The following SGK3 variants were observed in gnomAD, a reference collection of about 807,000 sequenced individuals.
SGK3 encodes the protein serine/threonine-protein kinase Sgk3.
SGK3 carries 47 observed loss-of-function variants against 68.5 expected under a neutral mutation model. The ratio of observed to expected loss-of-function variants is 0.69; its 90% CI spans 0.54 to 0.87. SGK3 has a LOEUF of 0.87. Among genes scored for constraint, SGK3 ranks in the 40% least tolerant of loss-of-function variants. The pLI, the probability that SGK3 is intolerant of heterozygous loss-of-function variation, is 0.00. For missense variants in SGK3, 479 were observed against 575.5 expected (o/e 0.83, Z 1.72); for synonymous variants, 181 against 189.1 (o/e 0.96, Z 0.35).
At chr8:66,843,224 A>T (rs1357531266) in intron 13 of SGK3, among the ~76,000 whole-genome samples, 2 of 152,208 alleles carry the variant, frequency 1.3e-5, no homozygotes, top group African/African-American at 4.8e-5. Context: ...TTTTAACTGT[A>T]TCACAGTTTC....
rs560794837 is a variant in SGK3, at chr8:66,726,801, T to TAAAAAAAAAAAAAAAAAA, written c.-122+13973_-122+13990dup. Among the ~76,000 whole-genome samples, 210 of 80,932 alleles carry TAAAAAAAAAAAAAAAAAA rather than the reference T, an allele frequency of 2.6e-3. 4 individuals are homozygous for TAAAAAAAAAAAAAAAAAA. Among genetic ancestry groups the TAAAAAAAAAAAAAAAAAA allele is most frequent in the African/African-American group, 0.012 (202 of 17,278 alleles). The allele number at this position is 80,932 out of a possible 152,430, so 53.1% of individuals were successfully genotyped here. ...GAATGACAGAGCAAGACCCTGTCTG[T>TAAAAAAAAAAAAAAAAAA]AAAAAAAAAAAAAAAAAAAAAAGAT... On this transcript the variant is annotated intron_variant, in intron 1 of 16. Transcript: ENST00000521198.
Position 66,831,527 on chromosome 8 carries a change from C to T in SGK3, c.525+216C>T, listed in dbSNP as rs140982444. On this transcript the variant is annotated intron_variant, in intron 8 of 16. Coordinates refer to ENST00000521198, the MANE Select transcript of SGK3 (RefSeq NM_001033578.3). ...GCTAATTTTTTCACTCTTTTGTAGA[C>T]AGGGCCTTGCTCTCTTGCCCAGGCT... 8.2e-3 allele frequency among the ~76,000 whole-genome samples: 1,255 copies of T among 152,162 alleles called. 19 individuals are homozygous for T. Among genetic ancestry groups the T allele is most frequent in the African/African-American group, 0.029 (1,198 of 41,514 alleles).
chr8:66,724,525 G>A (rs1208762128), intron 1 of SGK3, among the ~76,000 whole-genome samples: 1 of 152,162 alleles, frequency 6.6e-6, no homozygotes, highest in East Asian at 1.9e-4. Flanking sequence ...GCAGTGAGCT[G>A]AGATCGCACC....
intron 1 of SGK3, among the ~76,000 whole-genome samples, chr8:66,741,748 G>A (rs1286849818): frequency 6.6e-6 from 1 of 152,084 alleles, no homozygotes; most frequent in Non-Finnish European, 1.5e-5. Flanking sequence ...ATATGTTGGT[G>A]CACTAAACAA....
At chr8:66,717,102 G>A (rs1804655784) in intron 1 of SGK3, among the ~76,000 whole-genome samples, 1 of 151,920 alleles carries the variant, frequency 6.6e-6, no homozygotes, top group African/African-American at 2.4e-5. Flanking sequence ...CTACTTGGGA[G>A]GCTGAGGCAG....
intron 16 of SGK3, among the ~76,000 whole-genome samples, chr8:66,855,295 C>T (rs188717751): frequency 1.3e-5 from 2 of 152,094 alleles, no homozygotes; most frequent in Non-Finnish European, 2.9e-5. Context: ...CTCCGCCTCC[C>T]GGGTTCAAGC....
At position 66,770,113 on chromosome 8, in the gene SGK3, C is replaced by T. The variant is rs183002090; in HGVS notation, c.-121-23503C>T. 4.0e-3 allele frequency among the ~76,000 whole-genome samples: 602 copies of T among 152,162 alleles called. 7 individuals are homozygous for T. The highest frequency in any genetic ancestry group is 0.014 in the African/African-American group (576 of 41,520). ...GGACTACAGGCGTGCGCCACCACAC[C>T]CGGCTAATTTTTTTGTATTTTTAGT... On this transcript the variant is annotated intron_variant, in intron 1 of 16. Coordinates refer to ENST00000521198, the MANE Select transcript of SGK3 (RefSeq NM_001033578.3).
intron 1 of SGK3, among the ~76,000 whole-genome samples, chr8:66,725,790 A>C (rs190998699): frequency 2.0e-5 from 3 of 152,246 alleles, no homozygotes; most frequent in Admixed American, 6.5e-5. Context: ...TCATACTGCA[A>C]ATACAGCCAA....
chr8:66,752,600 G>T (rs559412012), intron 1 of SGK3, among the ~76,000 whole-genome samples: 1 of 151,900 alleles, frequency 6.6e-6, no homozygotes, highest in Non-Finnish European at 1.5e-5. Flanking sequence ...AACTGGGGGG[G>T]TGGGGGAGAC....
At chr8:66,735,364 G>A (rs1805288799) in intron 1 of SGK3, among the ~76,000 whole-genome samples, 1 of 152,222 alleles carries the variant, frequency 6.6e-6, no homozygotes, top group African/African-American at 2.4e-5. Flanking sequence ...GAATCTATCA[G>A]GCGTATAGCT....
intron 3 of SGK3, among the ~76,000 whole-genome samples, chr8:66,802,209 G>A (rs1211682839): frequency 6.6e-6 from 1 of 151,996 alleles, no homozygotes; most frequent in African/African-American, 2.4e-5. Flanking sequence ...ATAGTTATTG[G>A]TTGGATTCTT....
intron 4 of SGK3, among the ~76,000 whole-genome samples, chr8:66,810,259 G>A (rs1037986805): frequency 5.3e-5 from 8 of 150,404 alleles, no homozygotes; most frequent in African/African-American, 2.0e-4. Flanking sequence ...CCTGAGAATT[G>A]CTTTAAAATA....
chr8:66,798,293 C>T (rs1658605891), intron 2 of SGK3, among the ~76,000 whole-genome samples: 1 of 152,018 alleles, frequency 6.6e-6, no homozygotes, highest in Admixed American at 6.6e-5. Flanking sequence ...CAGGCATGAC[C>T]CACTGAACCC....
intron 1 of SGK3, among the ~76,000 whole-genome samples, chr8:66,735,009 A>G (rs1805277811): frequency 1.3e-5 from 2 of 152,118 alleles, no homozygotes; most frequent in Non-Finnish European, 2.9e-5. Flanking sequence ...CCACATTCAC[A>G]TAACTTTTTT....
chr8:66,716,636 G>A (rs1586663354), intron 1 of SGK3, among the ~76,000 whole-genome samples: 1 of 152,240 alleles, frequency 6.6e-6, no homozygotes, highest in South Asian at 2.1e-4. Context: ...CTGATAATAT[G>A]TAAGACGGAA....
chr8:66,784,802 C>A (rs910008614), intron 1 of SGK3, among the ~76,000 whole-genome samples: 5 of 152,052 alleles, frequency 3.3e-5, no homozygotes, highest in African/African-American at 1.2e-4. Flanking sequence ...TAGCGTTTCA[C>A]CCATATTGCT....
rs547470771 is a variant in SGK3, at chr8:66,838,191, G to A, written c.742-1812G>A. 4.6e-5 allele frequency among the ~76,000 whole-genome samples: 7 copies of A among 152,154 alleles called. No homozygotes were observed. In the South Asian group the frequency reaches 6.2e-4, roughly 14 times the overall value. On this transcript the variant is annotated intron_variant, in intron 10 of 16. Coordinates refer to ENST00000521198, the MANE Select transcript of SGK3 (RefSeq NM_001033578.3). ...AGCGATTCTCCTGCCTCAACCTCCC[G>A]AGTAGCTGGGATTACAGGCACGTGC... is the stretch of plus-strand genomic sequence containing the variant.
chr8:66,800,221 G>C (rs1300286498), intron 3 of SGK3, among the ~76,000 whole-genome samples: 2 of 151,174 alleles, frequency 1.3e-5, no homozygotes, highest in Non-Finnish European at 3.0e-5. Context: ...GGCGCCTGTA[G>C]TCCCAGCTAC....
At chr8:66,831,402 A>G in intron 8 of SGK3, 91 bp downstream of exon 8, 1 of 1,480,702 alleles carries the variant, frequency 6.8e-7, no homozygotes, top group Non-Finnish European at 9.3e-7. Context: ...GCTGGAGTGT[A>G]GTGGTGCAGT....
Sources: gnomAD v4.1 joint callset for allele counts (sites outside exome capture counted in the v4.1 genomes callset) on GRCh38, gnomAD v4.1.1 for gene constraint, MANE v1.5 for transcripts, NCBI Gene and HGNC (gene_info 2026-07-23, HGNC 2026-07-21) for gene names.